ILKAP: variants seen among roughly 807,000 people sequenced by gnomAD.
The protein encoded by ILKAP is integrin-linked kinase-associated serine/threonine phosphatase 2C.
A neutral mutation model predicts 49.1 loss-of-function variants in ILKAP; 11 were observed. That is an observed-to-expected ratio of 0.22 (90% confidence interval 0.14 to 0.37). The LOEUF is 0.37. Among genes scored for constraint, ILKAP ranks in the 10% least tolerant of loss-of-function variants. ILKAP has a pLI of 1.00. For synonymous variants in ILKAP, 186 were observed against 192.8 expected, an observed-to-expected ratio of 0.96 and a Z score of 0.29; for missense variants, 363 against 510.8, an observed-to-expected ratio of 0.71 and a Z score of 2.79.
At chr2:238,183,594 A>G (rs1448817052) in intron 8 of ILKAP, 59 bp downstream of exon 8, 24 of 1,202,028 alleles carry the variant, frequency 2.0e-5, no homozygotes, top group African/African-American at 3.0e-5. Context: ...AGTACGTGCT[A>G]AAGTCTTTTC....
chr2:238,170,899 A>C, intron 11 of ILKAP, 44 bp downstream of exon 11: 1 of 1,562,994 alleles, frequency 6.4e-7, no homozygotes. Context: ...CTGAAAACTA[A>C]GACACAATTG....
At chr2:238,197,136 C>T (rs950157604) in intron 1 of ILKAP, among the ~76,000 whole-genome samples, 5 of 152,190 alleles carry the variant, frequency 3.3e-5, no homozygotes, top group African/African-American at 9.6e-5. Context: ...GCGGAGGTTG[C>T]GGTGAGCTGA....
At chr2:238,181,451 T>C (rs965136776) in intron 9 of ILKAP, among the ~76,000 whole-genome samples, 1 of 151,808 alleles carries the variant, frequency 6.6e-6, no homozygotes, top group Non-Finnish European at 1.5e-5. Context: ...AAAGAGAGAG[T>C]GAAATGAAAC....
At chr2:238,186,293 T>C (rs1373431875) in intron 5 of ILKAP, 1 of 152,212 alleles carries the variant, frequency 6.6e-6, no homozygotes, top group Non-Finnish European at 1.5e-5. Flanking sequence ...CTGGTAGTAT[T>C]TGTGTATTTA....
intron 9 of ILKAP, among the ~76,000 whole-genome samples, chr2:238,176,384 GC>G (rs1176694576): frequency 6.6e-6 from 1 of 152,018 alleles, no homozygotes; most frequent in Non-Finnish European, 1.5e-5. Context: ...ACCCGCCTTG[GC>G]CCCCCAAAGT....
At chr2:238,176,165 A>C (rs1574781516) in intron 9 of ILKAP, among the ~76,000 whole-genome samples, 4 of 91,010 alleles carry the variant, frequency 4.4e-5, no homozygotes, top group Admixed American at 1.7e-4. Context: ...ACAGAGTCTC[A>C]CTCTATTGCC....
At chr2:238,191,754 A>G (rs575093626) in intron 3 of ILKAP, among the ~76,000 whole-genome samples, 1 of 152,224 alleles carries the variant, frequency 6.6e-6, no homozygotes, top group East Asian at 1.9e-4. Context: ...ATTAAAATAC[A>G]AAAAATTAGC....
intron 4 of ILKAP, chr2:238,188,499 G>A (rs2305171): frequency 0.17 from 69,865 of 420,988 alleles, 7,153 homozygotes; most frequent in East Asian, 0.37. Context: ...AGGAGTCAGT[G>A]AGCACAAAAC....
chr2:238,199,970 T>G (rs1408970494), intron 1 of ILKAP, among the ~76,000 whole-genome samples: 2 of 152,178 alleles, frequency 1.3e-5, no homozygotes, highest in Admixed American at 1.3e-4. Context: ...TTTTATTTCC[T>G]CCTCAACAAC....
Position 238,203,484 on chromosome 2 carries a change from G to T in ILKAP, c.55+15C>A. The stretch of plus-strand genomic sequence containing the variant: ...CTCTCCCTTCCCTGGCCGGCCCGGC[G>T]GCAACGCCGCTTACCGGCAGCCGGG... On this transcript the variant is annotated intron_variant, in intron 1 of 11. Coordinates refer to ENST00000254654, the MANE Select transcript of ILKAP (RefSeq NM_030768.3). 8.0e-7 allele frequency: 1 copy of T among 1,246,718 alleles called. No individual in the cohort carries two copies. The allele number at this position is 1,246,718 out of a possible 1,614,324, so 77.2% of individuals were successfully genotyped here. A position where few individuals can be genotyped will look rare whatever the true frequency, so the allele number is the denominator to read the frequency against.
intron 8 of ILKAP, among the ~76,000 whole-genome samples, chr2:238,183,043 G>T (rs935534775): frequency 6.6e-6 from 1 of 152,148 alleles, no homozygotes; most frequent in Non-Finnish European, 1.5e-5. Flanking sequence ...GCAACGGAAC[G>T]GAACACATGG....
chr2:238,171,050 C>T (rs887624933), intron 10 of ILKAP, 26 bp from the exon 11 acceptor site: 24 of 1,571,394 alleles, frequency 1.5e-5, no homozygotes, highest in East Asian at 6.7e-5. Context: ...GAAATATAAA[C>T]GGGTTTTAGG....
At position 238,170,617 on chromosome 2, in the gene ILKAP, G is replaced by T. The variant is rs1278310197; in HGVS notation, c.1098C>A (p.Ala366=). The T allele has an allele frequency of 1.9e-6, 3 of 1,606,526 alleles. No homozygotes were observed. The African/African-American group carries it at 4.0e-5, about 21-fold the overall frequency. Residue 366 remains alanine (A), a synonymous_variant, in exon 12 of 12, where the codon GCC becomes GCA. Transcript: ENST00000254654. The part of the protein sequence containing the change: ...KSAADARYEA[A]CNRLANKAVQ... ...CCGCCTTGTTGGCCAGCCTGTTGCAGGCTGCTTCGTAGCGGGCGTCGGCTG... is the reference window on the plus strand; with the variant it reads ...CCGCCTTGTTGGCCAGCCTGTTGCATGCTGCTTCGTAGCGGGCGTCGGCTG...
At chr2:238,185,437 GA>G (rs999944002) in intron 5 of ILKAP, 150 bp from the exon 6 acceptor site, 50 of 523,606 alleles carry the variant, frequency 9.5e-5, no homozygotes, top group South Asian at 2.1e-4. Flanking sequence ...TTACAAATGG[GA>G]AAAAAAAGGC....
At position 238,188,433 on chromosome 2, in the gene ILKAP, A is replaced by T. The variant is rs890811918; in HGVS notation, c.299-176T>A. ...CCCCCAGCTGCAAGTCTATAACTCA[A>T]ATCGGAGCACTGTTGGACAGGGTGA... is the stretch of plus-strand genomic sequence containing the variant. On this transcript the variant is annotated intron_variant, in intron 4 of 11. Coordinates refer to ENST00000254654, the MANE Select transcript of ILKAP (RefSeq NM_030768.3). The T allele has an allele frequency of 3.4e-5, 24 of 696,668 alleles. No homozygotes were observed. In the African/African-American group the frequency reaches 3.8e-4, roughly 11 times the overall value. The allele number at this position is 696,668 out of a possible 1,614,324, so 43.2% of individuals were successfully genotyped here. A position where few individuals can be genotyped will look rare whatever the true frequency, so the allele number is the denominator to read the frequency against.
At chr2:238,200,450 T>C (rs1694522051) in intron 1 of ILKAP, among the ~76,000 whole-genome samples, 1 of 152,166 alleles carries the variant, frequency 6.6e-6, no homozygotes, top group African/African-American at 2.4e-5. Context: ...ATATAAGCAG[T>C]GTAGTATTCT....
intron 1 of ILKAP, among the ~76,000 whole-genome samples, chr2:238,198,133 C>T (rs1489372795): frequency 6.6e-6 from 1 of 151,862 alleles, no homozygotes; most frequent in African/African-American, 2.4e-5. Context: ...ATAATTTTTG[C>T]ATCATCAAAA....
At chr2:238,181,127 C>T (rs998011408) in intron 9 of ILKAP, among the ~76,000 whole-genome samples, 18 of 152,224 alleles carry the variant, frequency 1.2e-4, no homozygotes, top group Admixed American at 9.2e-4. Flanking sequence ...CTCCAGAAAC[C>T]TCCCTGTACC....
intron 10 of ILKAP, among the ~76,000 whole-genome samples, chr2:238,172,408 C>A (rs1008588469): frequency 6.6e-6 from 1 of 152,194 alleles, no homozygotes; most frequent in Non-Finnish European, 1.5e-5. Flanking sequence ...GCCTATCGTC[C>A]ATGCTGAGAA....
Sources: gnomAD v4.1 joint callset for allele counts (sites outside exome capture counted in the v4.1 genomes callset) on GRCh38, gnomAD v4.1.1 for gene constraint, MANE v1.5 for transcripts, NCBI Gene and HGNC (gene_info 2026-07-23, HGNC 2026-07-21) for gene names.